The following RPTOR variants were observed in gnomAD, a reference collection of about 807,000 sequenced individuals.
RPTOR encodes regulatory associated protein of MTOR complex 1.
In RPTOR, 21 loss-of-function variants were observed where a neutral mutation model predicts 169.9. That is an observed-to-expected ratio of 0.12 (90% CI 0.09 to 0.18). The LOEUF is 0.18. Ranked by LOEUF, RPTOR falls within the 10% of genes least tolerant of loss-of-function variation. The pLI is 1.00. For missense variants in RPTOR, 1,133 were observed against 1,855.9 expected (o/e 0.61, Z 7.16); for synonymous variants, 732 against 753.2 (o/e 0.97, Z 0.46).
In RPTOR at chr17:80,721,748, G is replaced by A. The variant is rs1252593176; in HGVS notation, c.508-8812G>A. On this transcript the variant is annotated intron_variant, in intron 4 of 33. Transcript: ENST00000306801. This position sits in a 1 kb window ranked among gnomAD's most constrained non-coding sequence, Gnocchi z 4.7. ...ATCCACTGAAAAAATGAATGTTGAGGAACACAGCCAGCTTTCCTGTTATTT... is the reference window on the plus strand; with the variant it reads ...ATCCACTGAAAAAATGAATGTTGAGAAACACAGCCAGCTTTCCTGTTATTT... Among the ~76,000 whole-genome samples, 4 of 151,300 alleles carry A rather than the reference G, an allele frequency of 2.6e-5. No homozygotes were observed. The highest frequency in any genetic ancestry group is 5.9e-5 in the Non-Finnish European group (4 of 68,028).
rs765785590 is a variant in RPTOR at position 80,791,462 on chromosome 17, G to C, written c.843G>C (p.Gln281His). Residue 281 changes from glutamine to histidine, a missense_variant, in exon 7 of 34, where the codon CAG becomes CAC. Coordinates refer to ENST00000306801, the MANE Select transcript of RPTOR (RefSeq NM_020761.3). ...IKIALRWFCM[Q>H]KCVSLVPGVT... Reference sequence around the variant, plus strand: ...TCTTTCTCTGCAGGTTTTGCATGCAGAAATGTGTCAGTCTGGTGCCTGGCG... The same window carrying C: ...TCTTTCTCTGCAGGTTTTGCATGCACAAATGTGTCAGTCTGGTGCCTGGCG... 1 of 1,613,672 alleles carries C rather than the reference G, an allele frequency of 6.2e-7. No homozygotes were observed. Among genetic ancestry groups the C allele is most frequent in the East Asian group, 2.2e-5 (1 of 44,858 alleles).
At chr17:80,853,885 G>A (rs1398689763) in intron 11 of RPTOR, among the ~76,000 whole-genome samples, 11 of 152,194 alleles carry the variant, frequency 7.2e-5, no homozygotes, top group South Asian at 4.2e-4. Flanking sequence ...GGAGGCTGAG[G>A]CAGGAGAATG....
In RPTOR at chr17:80,545,113, A is replaced by G. The variant is rs1024623642; in HGVS notation, c.-517A>G. The G allele has an allele frequency of 1.2e-4, 29 of 233,828 alleles. 1 individual carries two copies. The Admixed American group carries it at 1.4e-3, about 11-fold the overall frequency. The allele number at this position is 233,828 out of a possible 1,614,324, so 14.5% of individuals were successfully genotyped here. ...GGCTCTGGTTGCAGCAGCTCAGACG[A>G]GTGCGGGACCCGCAGGGCTGAGAGT... On this transcript the variant is annotated 5_prime_UTR_variant, in exon 1 of 34. Transcript: ENST00000306801.
In RPTOR at chr17:80,962,935, G is replaced by T. The variant is rs771184410; in HGVS notation, c.3817G>T (p.Val1273Phe). The T allele has an allele frequency of 1.9e-6, 3 of 1,613,622 alleles. No homozygotes were observed. In the South Asian group the frequency reaches 3.3e-5, roughly 18 times the overall value. The change falls in exon 33 of 34, where the codon GTC becomes TTC. Residue 1273 changes from valine to phenylalanine, a missense_variant. Physicochemically the swap from Val to Phe is conservative, Grantham distance 50 (BLOSUM62 -1). Transcript: ENST00000306801. ...PQADLIACGS[V>F]NQFTAIYNSS... is the part of the protein sequence containing the mutation. ...CCCTTTCTCTCCCCACAGTGGCTCCGTCAATCAGTTCACCGCCATCTACAA... is the reference window on the plus strand; with the variant it reads ...CCCTTTCTCTCCCCACAGTGGCTCCTTCAATCAGTTCACCGCCATCTACAA...
intron 3 of RPTOR, among the ~76,000 whole-genome samples, chr17:80,679,266 G>A (rs2065881128): frequency 6.6e-6 from 1 of 152,152 alleles, no homozygotes; most frequent in Admixed American, 6.5e-5. Context: ...GACAGAGTGA[G>A]ACTCCCATCT....
chr17:80,708,965 C>T lies in RPTOR; in HGVS notation c.507+966C>T. On this transcript the variant is annotated intron_variant, in intron 4 of 33. Coordinates refer to ENST00000306801, the MANE Select transcript of RPTOR (RefSeq NM_020761.3). This position sits in a 1 kb window ranked among gnomAD's most constrained non-coding sequence, Gnocchi z 4.2. ...TGAGGACTCTGACTCCGTTTCTTCACACACTGAACTCTCGGTTCCCGCCTA... is the reference window on the plus strand; with the variant it reads ...TGAGGACTCTGACTCCGTTTCTTCATACACTGAACTCTCGGTTCCCGCCTA... 1 of 985,850 alleles carries T rather than the reference C, an allele frequency of 1.0e-6. No homozygotes were observed. Among genetic ancestry groups the T allele is most frequent in the Non-Finnish European group, 1.2e-6 (1 of 829,962 alleles). 61.1% of individuals were successfully genotyped at this position (985,850 alleles called of 1,614,324 possible).
chr17:80,726,616 C>G lies in RPTOR; in HGVS notation c.508-3944C>G, dbSNP rs141229514. 1.2e-3 allele frequency among the ~76,000 whole-genome samples: 190 copies of G among 152,198 alleles called. No homozygotes were observed. The highest frequency in any genetic ancestry group is 4.4e-3 in the African/African-American group (181 of 41,512). On this transcript the variant is annotated intron_variant, in intron 4 of 33. Coordinates refer to ENST00000306801, the MANE Select transcript of RPTOR (RefSeq NM_020761.3). The surrounding 1 kb of genome is among the most constrained non-coding windows in gnomAD (Gnocchi z 4.5). ...AGCCCTGGGACCCTCGGGGTTGTAC[C>G]TAGAAGGTAGTAAAGATGACAGCAG...
chr17:80,864,453 G>A (rs1395758562), intron 13 of RPTOR, among the ~76,000 whole-genome samples: 4 of 152,196 alleles, frequency 2.6e-5, no homozygotes, highest in Admixed American at 2.6e-4. Flanking sequence ...ATTTCCTACA[G>A]ATGGAAAAGG....
rs1257300293 is a variant in RPTOR, at chr17:80,708,581, TG to T, written c.507+583del. ...CCATCCTCCAGGGTGTGGTGGGTGC[TG>T]ACTGTTGTCCCCACCCTCCAGGGTG... On this transcript the variant is annotated intron_variant, in intron 4 of 33. Transcript: ENST00000306801. This position sits in a 1 kb window ranked among gnomAD's most constrained non-coding sequence, Gnocchi z 4.2. Among the ~76,000 whole-genome samples the T allele has an allele frequency of 2.7e-5, 4 of 150,806 alleles. No individual in the cohort carries two copies. The highest frequency in any genetic ancestry group is 9.9e-5 in the African/African-American group (4 of 40,430).
rs978442906 is a variant in RPTOR at position 80,554,941 on chromosome 17, G to A, written c.162+9150G>A. Among the ~76,000 whole-genome samples the A allele has an allele frequency of 3.3e-5, 5 of 152,238 alleles. No individual in the cohort carries two copies. The East Asian group carries it at 7.7e-4, about 24-fold the overall frequency. Reference sequence around the variant, plus strand: ...TGTTATTTATTTGAATATATAATAAGTTTGATTTTTAAGTGAATTCATAAA... The same window carrying A: ...TGTTATTTATTTGAATATATAATAAATTTGATTTTTAAGTGAATTCATAAA... On this transcript the variant is annotated intron_variant, in intron 1 of 33. Coordinates refer to ENST00000306801, the MANE Select transcript of RPTOR (RefSeq NM_020761.3).
chr17:80,888,407 GCT>G (rs1306876152), intron 17 of RPTOR, among the ~76,000 whole-genome samples: 1 of 152,248 alleles, frequency 6.6e-6, no homozygotes. Context: ...CCAGGACGCT[GCT>G]CGGGCCTGCT....
At chr17:80,621,386 A>G (rs2065352964) in intron 1 of RPTOR, among the ~76,000 whole-genome samples, 1 of 152,250 alleles carries the variant, frequency 6.6e-6, no homozygotes, top group Non-Finnish European at 1.5e-5. Flanking sequence ...GGTGGAGGGA[A>G]TATGACTTGT....
chr17:80,902,638 G>A (rs964429977), intron 20 of RPTOR, among the ~76,000 whole-genome samples: 2 of 152,214 alleles, frequency 1.3e-5, no homozygotes, highest in African/African-American at 4.8e-5. Context: ...ACAAGTGGCC[G>A]TGGAGCTGCT....
At chr17:80,909,255 T>G (rs1388876726) in intron 21 of RPTOR, among the ~76,000 whole-genome samples, 2 of 151,892 alleles carry the variant, frequency 1.3e-5, no homozygotes, top group Non-Finnish European at 2.9e-5. Context: ...CTTTACTTAA[T>G]TATTTATAAG....
At chr17:80,636,803 A>T (rs1352492276) in intron 2 of RPTOR, among the ~76,000 whole-genome samples, 1 of 152,074 alleles carries the variant, frequency 6.6e-6, no homozygotes, top group Non-Finnish European at 1.5e-5. Context: ...GCAGGGGCCA[A>T]GGTGCTGCAT....
chr17:80,673,937 G>A (rs2065841688), intron 3 of RPTOR, among the ~76,000 whole-genome samples: 1 of 152,242 alleles, frequency 6.6e-6, no homozygotes, highest in Non-Finnish European at 1.5e-5. Flanking sequence ...ACTAGATGAA[G>A]TCTTGCCTTG....
chr17:80,762,375 G>T (rs910053612), intron 6 of RPTOR, among the ~76,000 whole-genome samples: 5 of 152,182 alleles, frequency 3.3e-5, no homozygotes, highest in Non-Finnish European at 5.9e-5. Context: ...GGGGGCTGGG[G>T]TGAGGGGTGA....
At chr17:80,953,606 A>T (rs1291421414) in intron 28 of RPTOR, among the ~76,000 whole-genome samples, 1 of 152,242 alleles carries the variant, frequency 6.6e-6, no homozygotes, top group African/African-American at 2.4e-5. Context: ...ACTAAAAGGG[A>T]TGCACCAGGA....
At chr17:80,933,529 T>G (rs574723715) in intron 24 of RPTOR, among the ~76,000 whole-genome samples, 3 of 152,292 alleles carry the variant, frequency 2.0e-5, no homozygotes, top group Admixed American at 2.0e-4. Flanking sequence ...AGACTAACAT[T>G]AAGTTGGCAG....
Sources: allele counts gnomAD v4.1 joint callset (sites outside exome capture counted in the v4.1 genomes callset), GRCh38; gene constraint gnomAD v4.1.1; non-coding constraint Gnocchi (gnomAD v3.1); transcripts MANE v1.5; gene names NCBI Gene and HGNC (gene_info 2026-07-23, HGNC 2026-07-21).